SEMA6D: variants seen among roughly 807,000 people sequenced by gnomAD.
The protein encoded by SEMA6D is semaphorin-6D.
Under a neutral mutation model 106.6 loss-of-function variants are expected in SEMA6D, and 35 were observed. The ratio of observed to expected loss-of-function variants is 0.33; its 90% CI spans 0.25 to 0.44. SEMA6D has a LOEUF of 0.44. Among genes scored for constraint, SEMA6D ranks in the 20% least tolerant of loss-of-function variants. The pLI is 1.00. For synonymous variants in SEMA6D, 499 were observed against 487.7 expected, an observed-to-expected ratio of 1.02 and a Z score of -0.31; for missense variants, 1,185 against 1,345.9, an observed-to-expected ratio of 0.88 and a Z score of 1.87.
chr15:47,423,027 T>C (rs1254558073), intron 2 of SEMA6D, among the ~76,000 whole-genome samples: 1 of 152,028 alleles, frequency 6.6e-6, no homozygotes, highest in Non-Finnish European at 1.5e-5. Context: ...CAAAGATATA[T>C]AACTGAAAGG....
intron 1 of SEMA6D, among the ~76,000 whole-genome samples, chr15:47,737,491 C>G (rs1799492293): frequency 6.6e-6 from 1 of 152,098 alleles, no homozygotes; most frequent in Non-Finnish European, 1.5e-5. Flanking sequence ...CTGTTTCCTT[C>G]TAGTATTTGT....
At chr15:47,597,417 T>C (rs12907678) in intron 3 of SEMA6D, among the ~76,000 whole-genome samples, 150,939 of 152,210 alleles carry the variant, frequency 0.99, 74,848 homozygotes, top group Middle Eastern at 1. Flanking sequence ...GCTAAACTCT[T>C]ATCTTCATTA....
chr15:47,671,247 G>A lies in SEMA6D; in HGVS notation c.-55+70351G>A, dbSNP rs575116449. On this transcript the variant is annotated intron_variant, in intron 4 of 19. Transcript: ENST00000558014. ...ACCATTTTGTTTGTCACTATGCTGGGCAACATAGGGTTTCCAAGAGAGCTG... is the reference window on the plus strand; with the variant it reads ...ACCATTTTGTTTGTCACTATGCTGGACAACATAGGGTTTCCAAGAGAGCTG... 3.6e-3 allele frequency among the ~76,000 whole-genome samples: 548 copies of A among 152,208 alleles called. 3 individuals carry two copies. The highest frequency in any genetic ancestry group is 0.013 in the African/African-American group (531 of 41,528).
At chr15:47,281,414 A>C (rs541157706) in intron 1 of SEMA6D, among the ~76,000 whole-genome samples, 1 of 147,392 alleles carries the variant, frequency 6.8e-6, no homozygotes, top group East Asian at 2.0e-4. Flanking sequence ...TTTTGAGCCT[A>C]TGTGTGTCTC....
At chr15:47,215,467 A>G (rs2141276339) in intron 1 of SEMA6D, among the ~76,000 whole-genome samples, 1 of 152,274 alleles carries the variant, frequency 6.6e-6, no homozygotes, top group South Asian at 2.1e-4. Flanking sequence ...CAAATATGCT[A>G]TTAATATATT....
At chr15:47,584,637 G>C (rs2076307060) in intron 3 of SEMA6D, among the ~76,000 whole-genome samples, 2 of 152,074 alleles carry the variant, frequency 1.3e-5, no homozygotes, top group South Asian at 4.2e-4. Context: ...GGTATCTTTT[G>C]TTGGAAACTG....
intron 3 of SEMA6D, among the ~76,000 whole-genome samples, chr15:47,553,544 T>C (rs2045826620): frequency 6.6e-6 from 1 of 152,128 alleles, no homozygotes; most frequent in Admixed American, 6.5e-5. Context: ...GCTACTGATG[T>C]ATTGTACCAG....
chr15:47,398,657 A>C (rs1402259653), intron 1 of SEMA6D, among the ~76,000 whole-genome samples: 1 of 152,226 alleles, frequency 6.6e-6, no homozygotes, highest in African/African-American at 2.4e-5. Context: ...AAATTTAAGC[A>C]TAGAAAAAAG....
chr15:47,348,727 C>CACCACACAGAGAGAG (rs1450109233), intron 1 of SEMA6D, among the ~76,000 whole-genome samples: 1 of 57,054 alleles, frequency 1.8e-5, no homozygotes, highest in African/African-American at 5.0e-5. Flanking sequence ...ACCACACACA[C>CACCACACAGAGAGAG]AGAGAGAGAG....
chr15:47,245,459 G>T (rs1272332722), intron 1 of SEMA6D, among the ~76,000 whole-genome samples: 1 of 152,086 alleles, frequency 6.6e-6, no homozygotes, highest in Non-Finnish European at 1.5e-5. Context: ...TCTGATCTGT[G>T]GGCACAGTGA....
In SEMA6D at chr15:47,417,158, T is replaced by G. The variant is rs558774560; in HGVS notation, c.-159+4686T>G. Among the ~76,000 whole-genome samples the G allele has an allele frequency of 3.9e-5, 6 of 152,172 alleles. No individual in the cohort carries two copies. The South Asian group carries it at 1.2e-3, about 32-fold the overall frequency. On this transcript the variant is annotated intron_variant, in intron 2 of 19. Coordinates refer to the SEMA6D transcript ENST00000558014. Reference sequence around the variant, plus strand: ...ATCAACCACCTGCAAAAATTTTTAATTAAATATCTAAAGATACATTATACG... The same window carrying G: ...ATCAACCACCTGCAAAAATTTTTAAGTAAATATCTAAAGATACATTATACG...
chr15:47,546,519 T>C (rs1187498581), intron 3 of SEMA6D, among the ~76,000 whole-genome samples: 3 of 152,164 alleles, frequency 2.0e-5, no homozygotes, highest in African/African-American at 7.2e-5. Flanking sequence ...TATTTTGGAA[T>C]AGAATTCTCT....
intron 3 of SEMA6D, among the ~76,000 whole-genome samples, chr15:47,560,436 A>G (rs1285705462): frequency 1.3e-5 from 2 of 152,072 alleles, no homozygotes; most frequent in African/African-American, 4.8e-5. Context: ...TAAAAAAGAA[A>G]ATAATAAAGG....
At chr15:47,351,955 TAA>T (rs931927581) in intron 1 of SEMA6D, among the ~76,000 whole-genome samples, 26 of 152,142 alleles carry the variant, frequency 1.7e-4, no homozygotes, top group African/African-American at 5.8e-4. Flanking sequence ...AGAATAAAAT[TAA>T]AAGAGGATTT....
At chr15:47,643,986 A>G (rs1233076018) in intron 4 of SEMA6D, among the ~76,000 whole-genome samples, 2 of 152,182 alleles carry the variant, frequency 1.3e-5, no homozygotes, top group African/African-American at 2.4e-5. Flanking sequence ...TTTAGCTCCC[A>G]CATATGAGTG....
chr15:47,687,059 C>A (rs1419227995), intron 4 of SEMA6D, among the ~76,000 whole-genome samples: 1 of 114,140 alleles, frequency 8.8e-6, no homozygotes. Flanking sequence ...CAGCAAGACC[C>A]TGTATCCAAA....
At chr15:47,598,557 T>A (rs1380075589) in intron 3 of SEMA6D, among the ~76,000 whole-genome samples, 1 of 152,096 alleles carries the variant, frequency 6.6e-6, no homozygotes, top group Non-Finnish European at 1.5e-5. Flanking sequence ...TTCAGACCAC[T>A]CCCCTGTACA....
chr15:47,267,075 G>A lies in SEMA6D; in HGVS notation c.-239+82657G>A, dbSNP rs1027592112. On this transcript the variant is annotated intron_variant, in intron 1 of 19. Coordinates refer to the SEMA6D transcript ENST00000558014. ...TCTTTATTTCTGAGTTCTTCATTTT[G>A]CTTTACGCCTTGGTTGCTGGCATAT... 5.9e-5 allele frequency among the ~76,000 whole-genome samples: 9 copies of A among 152,096 alleles called. No individual in the cohort carries two copies. In the South Asian group the frequency reaches 6.2e-4, roughly 11 times the overall value.
At chr15:47,266,420 T>C (rs2034319931) in intron 1 of SEMA6D, among the ~76,000 whole-genome samples, 1 of 152,094 alleles carries the variant, frequency 6.6e-6, no homozygotes, top group Admixed American at 6.6e-5. Flanking sequence ...TGAAGTTCTT[T>C]TCTCTAAGTG....
Sources: allele counts gnomAD v4.1 joint callset (sites outside exome capture counted in the v4.1 genomes callset), GRCh38; gene constraint gnomAD v4.1.1; transcripts MANE v1.5; gene names NCBI Gene and HGNC (gene_info 2026-07-23, HGNC 2026-07-21).